Variants in STAU1 observed in about 807,000 individuals in gnomAD.
STAU1 encodes staufen double-stranded RNA binding protein 1, also known as double-stranded RNA-binding protein Staufen homolog 1.
STAU1 carries 13 observed loss-of-function variants against 62.9 expected under a neutral mutation model. The ratio of observed to expected loss-of-function variants is 0.21; its 90% CI spans 0.13 to 0.33. The LOEUF is 0.33. STAU1 is among the 10% of genes least tolerant of loss of function. STAU1 has a pLI of 1.00. For synonymous variants in STAU1, 269 were observed against 265.1 expected, an observed-to-expected ratio of 1.01 and a Z score of -0.14; for missense variants, 571 against 712.1, an observed-to-expected ratio of 0.80 and a Z score of 2.25.
At chr20:49,115,689 T>A in intron 13 of STAU1, 93 bp downstream of exon 13, 1 of 1,124,566 alleles carries the variant, frequency 8.9e-7, no homozygotes, top group Non-Finnish European at 1.3e-6. Context: ...CAGGCAAATA[T>A]TTCCCCGCTG....
intron 8 of STAU1, 78 bp from the exon 9 acceptor site, chr20:49,120,206 A>G: frequency 1.1e-5 from 16 of 1,506,502 alleles, no homozygotes; most frequent in Non-Finnish European, 1.4e-5. Context: ...TGTGTCAGCA[A>G]AATAACCAAC....
At chr20:49,155,708 T>G (rs1392673962) in intron 3 of STAU1, among the ~76,000 whole-genome samples, 2 of 152,254 alleles carry the variant, frequency 1.3e-5, no homozygotes, top group Non-Finnish European at 2.9e-5. Context: ...GATCTCTCTC[T>G]TCCTTGCATT....
upstream of STAU1, among the ~76,000 whole-genome samples, chr20:49,188,877 A>G (rs939141936): frequency 7.4e-5 from 5 of 67,550 alleles, no homozygotes; most frequent in Non-Finnish European, 1.5e-4. Flanking sequence ...AAAATACACA[A>G]TAAATAAAAT....
chr20:49,151,644 G>C lies in STAU1; in HGVS notation c.448C>G (p.His150Asp). ...GKGKTRQAAK[H>D]DAAAKALRIL... ...CTCAACGCTTTGGCAGCAGCATCGT[G>C]TTTCGCAGCCTGTCTTGTCTTTCCT... Residue 150 changes from histidine (H) to aspartate (D), a missense_variant, in exon 5 of 14, where the codon CAC becomes GAC. Coordinates refer to ENST00000371856, the MANE Select transcript of STAU1 (RefSeq NM_017453.4). 1 of 1,612,520 alleles carries C rather than the reference G, an allele frequency of 6.2e-7. No individual in the cohort carries two copies. The highest frequency in any genetic ancestry group is 8.5e-7 in the Non-Finnish European group (1 of 1,179,452).
intron 6 of STAU1, among the ~76,000 whole-genome samples, chr20:49,126,080 C>T (rs979229904): frequency 5.3e-5 from 8 of 151,756 alleles, no homozygotes; most frequent in African/African-American, 9.7e-5. Context: ...TACACAGAGG[C>T]GCTAACATGC....
the STAU1 span, among the ~76,000 whole-genome samples, chr20:49,208,074 G>A: frequency 6.6e-6 from 1 of 151,298 alleles, no homozygotes; most frequent in Admixed American, 6.6e-5. Flanking sequence ...TTGTTTGTTT[G>A]TTTTGAGACG....
At chr20:49,175,795 T>G (rs1256108135) in intron 1 of STAU1, among the ~76,000 whole-genome samples, 1 of 95,178 alleles carries the variant, frequency 1.1e-5, no homozygotes, top group Non-Finnish European at 2.0e-5. Context: ...AACCTCATAA[T>G]GCCTTTTTTT....
chr20:49,115,225 C>CT (rs1373412930), intron 13 of STAU1, among the ~76,000 whole-genome samples: 1 of 151,706 alleles, frequency 6.6e-6, no homozygotes, highest in Admixed American at 6.6e-5. Context: ...GGGATGGGGG[C>CT]TGTCCGAGGG....
the STAU1 span, among the ~76,000 whole-genome samples, chr20:49,206,746 TA>T: frequency 1.6e-3 from 182 of 116,786 alleles, 1 homozygote; most frequent in African/African-American, 5.4e-3. Flanking sequence ...TATATATATA[TA>T]TATATTTTAT....
At chr20:49,212,774 T>A in the STAU1 span, among the ~76,000 whole-genome samples, 1 of 151,704 alleles carries the variant, frequency 6.6e-6, no homozygotes, top group Non-Finnish European at 1.5e-5. Flanking sequence ...TTTTTTGTAT[T>A]TTTAGTAGAG....
intron 8 of STAU1, 33 bp from the exon 9 acceptor site, chr20:49,120,161 T>TCAGAA (rs2092431855): frequency 6.3e-7 from 1 of 1,583,556 alleles, no homozygotes. Flanking sequence ...AGACCAGTGC[T>TCAGAA]TAAACCTTCA....
intron 6 of STAU1, among the ~76,000 whole-genome samples, chr20:49,134,154 G>A (rs868424441): frequency 2.6e-5 from 4 of 152,038 alleles, no homozygotes; most frequent in Non-Finnish European, 4.4e-5. Flanking sequence ...TTACTGGGCC[G>A]GGCAAGGTGG....
the STAU1 span, among the ~76,000 whole-genome samples, chr20:49,213,623 T>C: frequency 1.3e-5 from 2 of 152,184 alleles, no homozygotes; most frequent in Non-Finnish European, 1.5e-5. Context: ...TAATTCCCAT[T>C]GGAAAATCTT....
the STAU1 span, among the ~76,000 whole-genome samples, chr20:49,218,592 T>C: frequency 1.3e-5 from 2 of 152,086 alleles, no homozygotes; most frequent in African/African-American, 4.8e-5. Flanking sequence ...GGTCTTGTCA[T>C]GTTGCCCAGG....
At chr20:49,119,437 G>A (rs950149253) in intron 9 of STAU1, among the ~76,000 whole-genome samples, 2 of 152,124 alleles carry the variant, frequency 1.3e-5, no homozygotes, top group Non-Finnish European at 2.9e-5. Flanking sequence ...CAAATTACAA[G>A]TTTGAGCCAC....
At chr20:49,151,857 G>T in intron 4 of STAU1, 110 bp from the exon 5 acceptor site, 1 of 922,846 alleles carries the variant, frequency 1.1e-6, no homozygotes, top group Non-Finnish European at 1.6e-6. Flanking sequence ...TCACATTAGT[G>T]TTTGATGCTA....
intron 2 of STAU1, among the ~76,000 whole-genome samples, chr20:49,168,943 A>T (rs909523041): frequency 2.6e-5 from 4 of 152,124 alleles, no homozygotes; most frequent in Admixed American, 6.6e-5. Context: ...GGCCCTAAAA[A>T]ATAGATGCTA....
chr20:49,196,590 C>T, the STAU1 span, among the ~76,000 whole-genome samples: 3 of 151,308 alleles, frequency 2.0e-5, no homozygotes, highest in Non-Finnish European at 4.4e-5. Context: ...AGTTTGAGAC[C>T]AGCGTGGCCA....
chr20:49,195,932 AAAAAAC>A, the STAU1 span, among the ~76,000 whole-genome samples: 5 of 147,306 alleles, frequency 3.4e-5, no homozygotes, highest in Admixed American at 3.4e-4. Flanking sequence ...AAAGAAAAAA[AAAAAAC>A]AAAGAAACAA....
Sources: gnomAD v4.1 joint callset for allele counts (sites outside exome capture counted in the v4.1 genomes callset) on GRCh38, gnomAD v4.1.1 for gene constraint, MANE v1.5 for transcripts, NCBI Gene and HGNC (gene_info 2026-07-23, HGNC 2026-07-21) for gene names.